XPA: variants seen among roughly 807,000 people sequenced by gnomAD.
XPA encodes the protein DNA repair protein complementing XP-A cells.
XPA carries 27 observed loss-of-function variants against 35.7 expected under a neutral mutation model. That is an observed-to-expected ratio of 0.76 (90% CI 0.56 to 1.04). XPA has a LOEUF of 1.04. Ranked by LOEUF, XPA falls within the 50% of genes least tolerant of loss-of-function variation. The probability of loss-of-function intolerance (pLI) is 0.00; values close to 1 mark genes in which losing one functional copy is unlikely to be tolerated. For synonymous variants in XPA, 133 were observed against 118.4 expected (o/e 1.12, Z -0.80); for missense variants, 354 against 342.7 (o/e 1.03, Z -0.26).
chr9:97,696,405 C>T (rs1409508038), intron 1 of XPA, among the ~76,000 whole-genome samples: 1 of 152,216 alleles, frequency 6.6e-6, no homozygotes, highest in East Asian at 1.9e-4. Context: ...CCTTAATTTA[C>T]TTCAATCAAT....
chr9:97,694,928 A>G (rs1039810481), intron 1 of XPA, among the ~76,000 whole-genome samples: 2 of 152,248 alleles, frequency 1.3e-5, no homozygotes, highest in African/African-American at 4.8e-5. Context: ...TAAATGCACA[A>G]ACTACCAATG....
At chr9:97,669,107 T>G in the XPA span, 2 of 1,102,512 alleles carry the variant, frequency 1.8e-6, no homozygotes, top group South Asian at 1.9e-5. Context: ...TACAAAAATT[T>G]AGGAAGGAAA....
At chr9:97,692,481 A>G (rs1032430757) in intron 2 of XPA, among the ~76,000 whole-genome samples, 3 of 152,208 alleles carry the variant, frequency 2.0e-5, no homozygotes, top group African/African-American at 7.2e-5. Context: ...AGACAAAAGG[A>G]AAACTAAAAA....
At chr9:97,666,622 TTGC>T in the XPA span, 1 of 559,416 alleles carries the variant, frequency 1.8e-6, no homozygotes, top group Non-Finnish European at 3.1e-6. Flanking sequence ...TTTGTAAGTA[TTGC>T]TGGAGAAAGA....
the XPA span, chr9:97,664,399 A>G: frequency 1.7e-5 from 28 of 1,612,754 alleles, no homozygotes; most frequent in Non-Finnish European, 2.3e-5. Context: ...GTGCTGCCGT[A>G]GCAAATTGGA....
At chr9:97,671,788 G>A (rs371014501), downstream of XPA, 2 of 152,184 alleles carry the variant, frequency 1.3e-5, no homozygotes, top group Admixed American at 6.5e-5. Context: ...AGTTGGAAGA[G>A]TAGCTCTCAA....
chr9:97,655,179 T>C, the XPA span, among the ~76,000 whole-genome samples: 10 of 152,344 alleles, frequency 6.6e-5, no homozygotes, highest in East Asian at 5.8e-4. Flanking sequence ...GACTATACTT[T>C]GGCTCTGCCA....
intron 2 of XPA, among the ~76,000 whole-genome samples, chr9:97,692,809 C>A (rs918425355): frequency 2.6e-5 from 4 of 152,046 alleles, no homozygotes; most frequent in Non-Finnish European, 5.9e-5. Context: ...AAATAAAGTA[C>A]ACAATAAAAT....
chr9:97,670,940 A>C (rs549055487), downstream of XPA: 4 of 488,682 alleles, frequency 8.2e-6, no homozygotes, highest in South Asian at 1.6e-4. Context: ...GGGGATTTTC[A>C]GGGGTCCATT....
chr9:97,673,490 G>C (rs1828259583), downstream of XPA: 1 of 152,174 alleles, frequency 6.6e-6, no homozygotes, highest in Non-Finnish European at 1.5e-5. Context: ...CTCTCTTCAT[G>C]TATAATGGTT....
At chr9:97,684,488 T>C (rs887095267) in intron 5 of XPA, among the ~76,000 whole-genome samples, 1 of 152,220 alleles carries the variant, frequency 6.6e-6, no homozygotes, top group East Asian at 1.9e-4. Context: ...CTTTTGGTCA[T>C]ATATAAAATA....
At chr9:97,657,928 T>TATA in the XPA span, among the ~76,000 whole-genome samples, 2 of 63,224 alleles carry the variant, frequency 3.2e-5, no homozygotes, top group African/African-American at 5.5e-5. Flanking sequence ...ATATATATAT[T>TATA]TTTTTTTTTT....
chr9:97,694,610 C>CA, intron 1 of XPA, among the ~76,000 whole-genome samples: 1 of 152,250 alleles, frequency 6.6e-6, no homozygotes, highest in South Asian at 2.1e-4. Context: ...AAAAGACTGA[C>CA]AATACCAAGT....
intron 5 of XPA, among the ~76,000 whole-genome samples, chr9:97,678,473 A>C (rs1176695845): frequency 6.6e-6 from 1 of 152,196 alleles, no homozygotes; most frequent in Non-Finnish European, 1.5e-5. Flanking sequence ...CACTAGGCCA[A>C]ATCAGACCAT....
chr9:97,691,888 T>TAAATAA (rs1437063647), intron 2 of XPA, among the ~76,000 whole-genome samples: 1 of 17,040 alleles, frequency 5.9e-5, no homozygotes, highest in Non-Finnish European at 1.2e-4. Flanking sequence ...TCTAAATAAA[T>TAAATAA]ATATATATAT....
intron 1 of XPA, among the ~76,000 whole-genome samples, chr9:97,695,363 A>G (rs967671573): frequency 2.6e-5 from 4 of 152,228 alleles, no homozygotes; most frequent in African/African-American, 9.6e-5. Flanking sequence ...ATGCCTGTTC[A>G]TCTCTCTGTA....
In XPA at chr9:97,678,069, ATGTGT is replaced by A. The variant is rs377395188; in HGVS notation, c.674-2487_674-2483del. ...GACAGAGACATAGAAATACAGATAC[ATGTGT>A]TGTGCTAGAAAGCAGAAAGGAGTGC... On this transcript the variant is annotated intron_variant, in intron 5 of 5. Coordinates refer to ENST00000375128, the MANE Select transcript of XPA (RefSeq NM_000380.4). 3.0e-4 allele frequency among the ~76,000 whole-genome samples: 46 copies of A among 152,336 alleles called. No homozygotes were observed. The East Asian group carries it at 5.6e-3, about 19-fold the overall frequency.
At chr9:97,654,955 C>T in the XPA span, 133 of 1,564,290 alleles carry the variant, frequency 8.5e-5, no homozygotes, top group Non-Finnish European at 1.1e-4. Flanking sequence ...GTACAGTAAT[C>T]GCTTTACTGC....
the XPA span, among the ~76,000 whole-genome samples, chr9:97,657,885 G>GCTCTCTCTCTCTCTCTCTCTCT: frequency 4.4e-5 from 5 of 114,028 alleles, no homozygotes; most frequent in African/African-American, 1.5e-4. Flanking sequence ...GCCCCGGTAA[G>GCTCTCTCTCTCTCTCTCTCTCT]CTCTCTCTCT....
Sources: gnomAD v4.1 joint callset for allele counts (sites outside exome capture counted in the v4.1 genomes callset) on GRCh38, gnomAD v4.1.1 for gene constraint, MANE v1.5 for transcripts, NCBI Gene and HGNC (gene_info 2026-07-23, HGNC 2026-07-21) for gene names.